Variants in DDIAS observed in about 807,000 individuals in gnomAD.
The protein encoded by DDIAS is DNA damage induced apoptosis suppressor.
DDIAS carries 14 observed loss-of-function variants against 15.7 expected under a neutral mutation model. The ratio of observed to expected loss-of-function variants is 0.89; its 90% confidence interval spans 0.59 to 1.39. DDIAS has a LOEUF of 1.39. Ranked by LOEUF, DDIAS falls within the 40% of genes most tolerant of loss-of-function variation. DDIAS has a pLI of 0.00. For missense variants in DDIAS, 1,035 were observed against 1,130.9 expected (o/e 0.92, Z 1.22); for synonymous variants, 355 against 395.9 (o/e 0.90, Z 1.23).
At chr11:82,914,910 T>G (rs1860603468) in intron 3 of DDIAS, 59 bp downstream of exon 3, 1 of 1,193,608 alleles carries the variant, frequency 8.4e-7, no homozygotes, top group East Asian at 2.5e-5. Context: ...GTAGATTTCC[T>G]ATGGCTCAAG....
At chr11:82,927,317 T>A (rs1243519015) in intron 3 of DDIAS, among the ~76,000 whole-genome samples, 1 of 152,238 alleles carries the variant, frequency 6.6e-6, no homozygotes, top group Non-Finnish European at 1.5e-5. Context: ...TTTAATTCAT[T>A]CTATGGCTAA....
intron 3 of DDIAS, among the ~76,000 whole-genome samples, chr11:82,924,002 G>T (rs1019440131): frequency 6.6e-6 from 1 of 152,070 alleles, no homozygotes; most frequent in Admixed American, 6.6e-5. Flanking sequence ...ATTCCTTTTA[G>T]CCTAGAAATC....
At chr11:82,918,994 G>A (rs1192325411) in intron 3 of DDIAS, among the ~76,000 whole-genome samples, 1 of 152,146 alleles carries the variant, frequency 6.6e-6, no homozygotes, top group African/African-American at 2.4e-5. Flanking sequence ...GCAGCTTTCT[G>A]GAGGAGTCTT....
chr11:82,927,782 C>T (rs1024523630), intron 3 of DDIAS, among the ~76,000 whole-genome samples: 1 of 152,138 alleles, frequency 6.6e-6, no homozygotes, highest in Non-Finnish European at 1.5e-5. Flanking sequence ...TATCACAATA[C>T]TTGATATAAT....
At chr11:82,912,950 G>A (rs769372381) in intron 1 of DDIAS, among the ~76,000 whole-genome samples, 1 of 152,144 alleles carries the variant, frequency 6.6e-6, no homozygotes, top group Non-Finnish European at 1.5e-5. Context: ...GGGGCAGTCA[G>A]ACACACATTT....
At chr11:82,902,393 CT>C (rs754558475) in intron 1 of DDIAS, among the ~76,000 whole-genome samples, 1 of 151,900 alleles carries the variant, frequency 6.6e-6, no homozygotes, top group Non-Finnish European at 1.5e-5. Flanking sequence ...TAACCCCCCC[CT>C]CCCCCGCCGC....
Position 82,932,272 on chromosome 11 carries a change from G to C in DDIAS, c.934G>C (p.Gly312Arg). 6.2e-7 allele frequency: 1 copy of C among 1,613,562 alleles called. No homozygotes were observed. Among genetic ancestry groups the C allele is most frequent in the Non-Finnish European group, 8.5e-7 (1 of 1,179,690 alleles). ...TAAAAAGAGTACAGCAGAAAAGTTG[G>C]GTAAAGAACTTGGCTTACAAGCTAA... ...MDKKSTAEKL[G>R]KELGLQAKEL... Residue 312 changes from glycine to arginine, a missense_variant, in exon 6 of 6, where the codon GGT becomes CGT. Gly to Arg is a moderately radical substitution (Grantham distance 125). Coordinates refer to ENST00000533655, the MANE Select transcript of DDIAS (RefSeq NM_145018.4).
chr11:82,921,871 G>A (rs752974464), intron 3 of DDIAS, among the ~76,000 whole-genome samples: 3 of 152,264 alleles, frequency 2.0e-5, no homozygotes, highest in East Asian at 3.9e-4. Context: ...GAGCCACTGC[G>A]CCCAGCCTAG....
intron 2 of DDIAS, 111 bp downstream of exon 2, chr11:82,913,497 A>T: frequency 7.9e-6 from 2 of 252,540 alleles, no homozygotes; most frequent in Non-Finnish European, 1.6e-5. Context: ...CCCCCACCTC[A>T]GTCTCTGAAA....
rs776293261 is a variant in DDIAS at position 82,934,023 on chromosome 11, T to C, written c.2685T>C (p.Pro895=). Residue 895 remains proline, a synonymous_variant, in exon 6 of 6, where the codon CCT becomes CCC. Transcript: ENST00000533655. ...AATGCCTTGCTGCCTATCATTTCCC[T>C]GATCAACAAGAGTTACCAAGAAAGA... is the stretch of plus-strand genomic sequence containing the variant. ...LGKCLAAYHF[P]DQQELPRKKL... 1.9e-6 allele frequency: 3 copies of C among 1,613,722 alleles called. No homozygotes were observed. Among genetic ancestry groups the C allele is most frequent in the Non-Finnish European group, 2.5e-6 (3 of 1,179,996 alleles).
chr11:82,933,299 G>C lies in DDIAS; in HGVS notation c.1961G>C (p.Trp654Ser), dbSNP rs772893270. The change falls in exon 6 of 6, where the codon TGG (tryptophan) becomes TCG (serine). Residue 654 changes from tryptophan (W) to serine (S), a missense_variant. Coordinates refer to ENST00000533655, the MANE Select transcript of DDIAS (RefSeq NM_145018.4). ...ACAAATACATTGAAAGAAATGCCTT[G>C]GGGACATATCAATAACAACGTAACA... ...RSTNTLKEMP[W>S]GHINNNVTQS... 6.2e-7 allele frequency: 1 copy of C among 1,613,790 alleles called. No individual in the cohort carries two copies. Among genetic ancestry groups the C allele is most frequent in the Non-Finnish European group, 8.5e-7 (1 of 1,179,944 alleles).
intron 4 of DDIAS, among the ~76,000 whole-genome samples, chr11:82,929,768 A>G (rs1590811934): frequency 6.6e-6 from 1 of 152,076 alleles, no homozygotes; most frequent in East Asian, 1.9e-4. Context: ...ATCACATGCA[A>G]GAAATCTATG....
chr11:82,932,501 C>T lies in DDIAS; in HGVS notation c.1163C>T (p.Ser388Phe). Residue 388 changes from serine to phenylalanine, a missense_variant, in exon 6 of 6, where the codon TCT (serine) becomes TTT (phenylalanine). Physicochemically the swap from Ser to Phe is radical, Grantham distance 155. Coordinates refer to ENST00000533655, the MANE Select transcript of DDIAS (RefSeq NM_145018.4). ...ACCCCAACTAGCCTTCAGAAGAGATCTGCATGTTGTCCACCTTCGTTACTC... is the reference window on the plus strand; with the variant it reads ...ACCCCAACTAGCCTTCAGAAGAGATTTGCATGTTGTCCACCTTCGTTACTC... ...IDTPTSLQKRSACCPPSLLRL... is the reference protein window; with the variant it reads ...IDTPTSLQKRFACCPPSLLRL... 6.2e-7 allele frequency: 1 copy of T among 1,614,180 alleles called. No individual in the cohort carries two copies. Among genetic ancestry groups the T allele is most frequent in the South Asian group, 1.1e-5 (1 of 91,076 alleles).
chr11:82,931,713 T>A lies in DDIAS; in HGVS notation c.394-19T>A. 1 of 1,554,360 alleles carries A rather than the reference T, an allele frequency of 6.4e-7. No homozygotes were observed. The highest frequency in any genetic ancestry group is 1.2e-5 in the South Asian group (1 of 82,216). On this transcript the variant is annotated intron_variant, in intron 5 of 5. Coordinates refer to ENST00000533655, the MANE Select transcript of DDIAS (RefSeq NM_145018.4). The stretch of plus-strand genomic sequence containing the variant: ...AAGACAATTTTATTCTTACTTAAAT[T>A]TCTTTGCTTCTTTCACAGAATTTTG...
At chr11:82,921,173 G>A (rs61902278) in intron 3 of DDIAS, among the ~76,000 whole-genome samples, 3,418 of 152,136 alleles carry the variant, frequency 0.022, 74 homozygotes, top group East Asian at 0.092. Flanking sequence ...GTTTGTTTTT[G>A]TCTAATATAA....
chr11:82,930,090 C>G, intron 4 of DDIAS, 67 bp from the exon 5 acceptor site: 1 of 917,724 alleles, frequency 1.1e-6, no homozygotes. Flanking sequence ...AATTGTGTCT[C>G]TGACTTTATG....
At chr11:82,903,051 A>G (rs1254073317) in intron 1 of DDIAS, among the ~76,000 whole-genome samples, 2 of 152,248 alleles carry the variant, frequency 1.3e-5, no homozygotes, top group African/African-American at 4.8e-5. Flanking sequence ...AAAACATTCT[A>G]AACAGAGTGA....
intron 3 of DDIAS, among the ~76,000 whole-genome samples, chr11:82,924,821 AT>A (rs1565248395): frequency 1.3e-5 from 2 of 151,666 alleles, no homozygotes; most frequent in African/African-American, 4.8e-5. Context: ...TCTCAAAAAA[AT>A]AAATGAATAA....
chr11:82,918,362 C>G (rs1315814323), intron 3 of DDIAS, among the ~76,000 whole-genome samples: 1 of 152,080 alleles, frequency 6.6e-6, no homozygotes, highest in Non-Finnish European at 1.5e-5. Flanking sequence ...CACTATTGTT[C>G]ACTTTGTCAA....
Sources: gnomAD v4.1 joint callset for allele counts (sites outside exome capture counted in the v4.1 genomes callset) on GRCh38, gnomAD v4.1.1 for gene constraint, MANE v1.5 for transcripts, NCBI Gene and HGNC (gene_info 2026-07-23, HGNC 2026-07-21) for gene names.